The following RELN variants were observed in gnomAD, a reference collection of about 807,000 sequenced individuals.
RELN encodes the protein reelin.
RELN carries 108 observed loss-of-function variants against 427.6 expected under a neutral mutation model. That is an observed-to-expected ratio of 0.25 (90% CI 0.22 to 0.30). RELN has a LOEUF of 0.30. Among genes scored for constraint, RELN ranks in the 10% least tolerant of loss-of-function variants. The pLI is 1.00. For synonymous variants in RELN, 1,524 were observed against 1,513.4 expected, an observed-to-expected ratio of 1.01 and a Z score of -0.16; for missense variants, 3,715 against 4,302.8, an observed-to-expected ratio of 0.86 and a Z score of 3.82.
intron 2 of RELN, among the ~76,000 whole-genome samples, chr7:103,885,679 T>C (rs543771489): frequency 1.3e-5 from 2 of 152,256 alleles, no homozygotes; most frequent in Admixed American, 6.5e-5. Flanking sequence ...ATGGCACAAG[T>C]ATGCCTATGT....
Position 103,604,463 on chromosome 7 carries a change from C to A in RELN, c.3029G>T (p.Arg1010Leu). The A allele has an allele frequency of 6.2e-7, 1 of 1,613,878 alleles. No individual in the cohort carries two copies. Among genetic ancestry groups the A allele is most frequent in the Non-Finnish European group, 8.5e-7 (1 of 1,179,860 alleles). Residue 1010 changes from arginine to leucine, a missense_variant, in exon 23 of 65, where the codon CGC becomes CTC. By Grantham distance (102) the Arg-to-Leu change is moderately radical. This residue lies in a region of RELN where 2,208 missense variants were observed against 2,361.7 expected (regional missense o/e 0.93). Coordinates refer to ENST00000428762, the MANE Select transcript of RELN (RefSeq NM_005045.4). Reference protein sequence around the residue: ...QKTWSSATRFRWSQSYYTAQD... With the variant: ...QKTWSSATRFLWSQSYYTAQD... ...AGCTGTGTAATAGCTCTGGCTCCAG[C>A]GGAAACGGGTAGCACTGGACCTAGA...
rs1562851452 is a variant in RELN at position 103,495,794 on chromosome 7, T to C, written c.9298A>G (p.Lys3100Glu). 6.2e-7 allele frequency: 1 copy of C among 1,613,754 alleles called. No individual in the cohort carries two copies. Among genetic ancestry groups the C allele is most frequent in the Non-Finnish European group, 8.5e-7 (1 of 1,179,990 alleles). Residue 3100 changes from lysine (K) to glutamate (E), a missense_variant, in exon 57 of 65, where the codon AAG becomes GAG. Lys to Glu is a moderately conservative substitution (Grantham distance 56). Coordinates refer to ENST00000428762, the MANE Select transcript of RELN (RefSeq NM_005045.4). ...GAGAGAGCATTGTGAGTCTTGTCCTTCTTTTTATTTGGCCAATAGAGGTGA... is the reference window on the plus strand; with the variant it reads ...GAGAGAGCATTGTGAGTCTTGTCCTCCTTTTTATTTGGCCAATAGAGGTGA... ...SFHLYWPNKK[K>E]DKTHNALSSR...
chr7:103,830,964 G>A lies in RELN; in HGVS notation c.473+2573C>T, dbSNP rs1352225768. Among the ~76,000 whole-genome samples, 10 of 152,160 alleles carry A rather than the reference G, an allele frequency of 6.6e-5. No individual in the cohort carries two copies. The East Asian group carries it at 1.9e-3, about 29-fold the overall frequency. ...TTTTTTGTAGTCAATAAAAACTGAC[G>A]AAACTGTATTTTTCCAACTAACTGC... On this transcript the variant is annotated intron_variant, in intron 3 of 64. Coordinates refer to ENST00000428762, the MANE Select transcript of RELN (RefSeq NM_005045.4).
intron 3 of RELN, among the ~76,000 whole-genome samples, chr7:103,794,573 T>A (rs1296838019): frequency 6.6e-6 from 1 of 152,080 alleles, no homozygotes; most frequent in Non-Finnish European, 1.5e-5. Context: ...AAAGAATAAT[T>A]TTTCACTGAA....
intron 26 of RELN, 147 bp downstream of exon 26, chr7:103,594,174 T>A: frequency 1.2e-6 from 1 of 858,140 alleles, no homozygotes; most frequent in Non-Finnish European, 2.0e-6. Context: ...AGTGGTAGCA[T>A]AGAGAGGTAA....
At chr7:103,980,999 A>G (rs924617182) in intron 1 of RELN, among the ~76,000 whole-genome samples, 5 of 152,240 alleles carry the variant, frequency 3.3e-5, no homozygotes, top group African/African-American at 1.2e-4. Flanking sequence ...TGATCATAAC[A>G]TATCTCAACA....
At chr7:103,745,710 G>A (rs1308806146) in intron 6 of RELN, among the ~76,000 whole-genome samples, 1 of 149,444 alleles carries the variant, frequency 6.7e-6, no homozygotes, top group Non-Finnish European at 1.5e-5. Flanking sequence ...AACTTAAAAG[G>A]GATGTGAAGG....
chr7:103,519,217 T>A, intron 49 of RELN, 106 bp downstream of exon 49: 1 of 849,080 alleles, frequency 1.2e-6, no homozygotes, highest in Non-Finnish European at 2.0e-6. Flanking sequence ...AGAGGCATCC[T>A]CTAGTGAGGC....
In RELN at chr7:103,498,213, G is replaced by T; in HGVS notation, c.8707C>A (p.Pro2903Thr). 6.2e-7 allele frequency: 1 copy of T among 1,613,960 alleles called. No individual in the cohort carries two copies. The highest frequency in any genetic ancestry group is 8.5e-7 in the Non-Finnish European group (1 of 1,179,946). Residue 2903 changes from proline (P) to threonine (T), a missense_variant, in exon 54 of 65, where the codon CCT (proline) becomes ACT (threonine). Physicochemically the swap from Pro to Thr is conservative, Grantham distance 38 (BLOSUM62 -1). Transcript: ENST00000428762. ...CCTTCTAAGGACATCCATAAGTCAGGTTTGATTTCTTCACTGTCAAAGCGT... is the reference window on the plus strand; with the variant it reads ...CCTTCTAAGGACATCCATAAGTCAGTTTTGATTTCTTCACTGTCAAAGCGT... ...KERFDSEEIK[P>T]DLWMSLEGGS...
At chr7:103,971,038 G>A in intron 1 of RELN, among the ~76,000 whole-genome samples, 1 of 151,786 alleles carries the variant, frequency 6.6e-6, no homozygotes, top group Non-Finnish European at 1.5e-5. Context: ...CATAATCCCA[G>A]CTATTCAGGA....
At chr7:103,679,147 C>G (rs571935275) in intron 11 of RELN, among the ~76,000 whole-genome samples, 1 of 152,128 alleles carries the variant, frequency 6.6e-6, no homozygotes, top group Non-Finnish European at 1.5e-5. Flanking sequence ...GGGGGGAGGG[C>G]GGGCCCCCCA....
Position 103,972,890 on chromosome 7 carries a change from G to A in RELN, c.226+16241C>T, listed in dbSNP as rs1036240319. Among the ~76,000 whole-genome samples the A allele has an allele frequency of 2.3e-5, 3 of 130,766 alleles. No homozygotes were observed. The Admixed American group carries it at 2.4e-4, about 11-fold the overall frequency. 85.8% of individuals were successfully genotyped at this position (130,766 alleles called of 152,430 possible). On this transcript the variant is annotated intron_variant, in intron 1 of 64. Transcript: ENST00000428762. Reference sequence around the variant, plus strand: ...ACACTGCTAATGTATGTGGGCATATGATTATGTGTGTGTGTGTGTGTGTGT... The same window carrying A: ...ACACTGCTAATGTATGTGGGCATATAATTATGTGTGTGTGTGTGTGTGTGT...
At position 103,515,302 on chromosome 7, in the gene RELN, T is replaced by C. The variant is rs1829535471; in HGVS notation, c.8002A>G (p.Thr2668Ala). The C allele has an allele frequency of 1.9e-6, 3 of 1,614,082 alleles. No homozygotes were observed. The highest frequency in any genetic ancestry group is 3.3e-5 in the Admixed American group (2 of 60,012). The change falls in exon 50 of 65, where the codon ACC (threonine) becomes GCC (alanine). Residue 2668 changes from threonine (T) to alanine (A), a missense_variant. Around this residue, in one of 4 missense-constraint regions of RELN, gnomAD observed 1,310 missense variants for 1,643.0 expected, o/e 0.80. Transcript: ENST00000428762. The part of the protein sequence containing the change: ...VLISGSADQR[T>A]VMLDTFSSAP... Reference sequence around the variant, plus strand: ...CTGCTGAAGGTGTCCAGCATAACGGTCCTTTGGTCAGCAGAGCCTGAGATG... The same window carrying C: ...CTGCTGAAGGTGTCCAGCATAACGGCCCTTTGGTCAGCAGAGCCTGAGATG...
Position 103,498,120 on chromosome 7 carries a change from C to T in RELN, c.8800G>A (p.Val2934Met). Residue 2934 changes from valine (V) to methionine (M), a missense_variant, in exon 54 of 65, where the codon GTG becomes ATG. Physicochemically the swap from Val to Met is conservative, Grantham distance 21. Coordinates refer to ENST00000428762, the MANE Select transcript of RELN (RefSeq NM_005045.4). ...DTALYFGGST[V>M]RQAVTQDLDL... ...AAATCTTGTGTAACCGCTTGTCTCA[C>T]AGTGGATCCCCCAAAATAGAGTGCA... The T allele has an allele frequency of 6.2e-7, 1 of 1,614,156 alleles. No individual in the cohort carries two copies. The highest frequency in any genetic ancestry group is 8.5e-7 in the Non-Finnish European group (1 of 1,180,008).
chr7:103,933,930 C>T (rs1384505937), intron 1 of RELN, among the ~76,000 whole-genome samples: 1 of 152,186 alleles, frequency 6.6e-6, no homozygotes, highest in Non-Finnish European at 1.5e-5. Context: ...GGTTCCTTCG[C>T]TAAAACACAG....
intron 3 of RELN, among the ~76,000 whole-genome samples, chr7:103,785,905 G>T (rs1268501549): frequency 6.6e-6 from 1 of 151,334 alleles, no homozygotes; most frequent in Non-Finnish European, 1.5e-5. Flanking sequence ...AGCTGTTTTT[G>T]ATCTTAAAAG....
intron 49 of RELN, among the ~76,000 whole-genome samples, chr7:103,517,392 A>G (rs1829593413): frequency 6.6e-6 from 1 of 152,174 alleles, no homozygotes; most frequent in Non-Finnish European, 1.5e-5. Flanking sequence ...ACATTTTAAA[A>G]ATCTCTGGAA....
In RELN at chr7:103,824,078, G is replaced by A. The variant is rs116989294; in HGVS notation, c.473+9459C>T. ...TTTGTCACCTTTGATGTTTTCTGTCGTTGATATACTGAAGGCTTATCACGA... is the reference window on the plus strand; with the variant it reads ...TTTGTCACCTTTGATGTTTTCTGTCATTGATATACTGAAGGCTTATCACGA... On this transcript the variant is annotated intron_variant, in intron 3 of 64. Transcript: ENST00000428762. This position sits in a 1 kb window ranked among gnomAD's most constrained non-coding sequence, Gnocchi z 4.4. Among the ~76,000 whole-genome samples, 542 of 152,010 alleles carry A rather than the reference G, an allele frequency of 3.6e-3. 1 individual carries two copies. The highest frequency in any genetic ancestry group is 4.6e-3 in the Non-Finnish European group (316 of 67,968).
intron 2 of RELN, among the ~76,000 whole-genome samples, chr7:103,856,585 A>G (rs372171787): frequency 0.01 from 1,356 of 133,144 alleles, 20 homozygotes; most frequent in African/African-American, 0.03. Flanking sequence ...AAAAAAAAAA[A>G]AAAGAAAGAA....
Sources: gnomAD v4.1 joint callset for allele counts (sites outside exome capture counted in the v4.1 genomes callset) on GRCh38, gnomAD v4.1.1 for gene constraint, gnomAD v4.1.1 regional missense constraint, Gnocchi (gnomAD v3.1) non-coding constraint, MANE v1.5 for transcripts, NCBI Gene and HGNC (gene_info 2026-07-23, HGNC 2026-07-21) for gene names.